The following LRMDA variants were observed in gnomAD, a reference collection of about 807,000 sequenced individuals.
The protein encoded by LRMDA is leucine rich melanocyte differentiation associated, also known as leucine-rich melanocyte differentiation-associated protein.
LRMDA carries 18 observed loss-of-function variants against 29.8 expected under a neutral mutation model. The observed-to-expected ratio is 0.60, with a 90% confidence interval of 0.42 to 0.90. The LOEUF (loss-of-function observed/expected upper bound fraction) is 0.90. Among genes scored for constraint, LRMDA ranks in the 40% least tolerant of loss-of-function variants. The probability of loss-of-function intolerance (pLI) is 0.00; values close to 1 mark genes in which losing one functional copy is unlikely to be tolerated. For synonymous variants in LRMDA, 125 were observed against 109.4 expected (o/e 1.14, Z -0.89); for missense variants, 273 against 273.9 (o/e 1.00, Z 0.02).
intron 1 of LRMDA, among the ~76,000 whole-genome samples, chr10:75,436,467 C>A (rs1020164343): frequency 6.6e-6 from 1 of 151,244 alleles, no homozygotes; most frequent in African/African-American, 2.4e-5. Context: ...GAAGAAGCTG[C>A]TGAATTTTTT....
At chr10:76,055,063 C>CAAAAAAAAAAAAAAAAAAAAAAAAAAAAA (rs531729040) in intron 4 of LRMDA, among the ~76,000 whole-genome samples, 32 of 45,902 alleles carry the variant, frequency 7.0e-4, no homozygotes, top group Non-Finnish European at 8.9e-4. Context: ...GACTCCATCT[C>CAAAAAAAAAAAAAAAAAAAAAAAAAAAAA]AAAAAAAAAA....
chr10:76,331,588 G>A (rs1027970497), intron 6 of LRMDA, among the ~76,000 whole-genome samples: 2 of 152,210 alleles, frequency 1.3e-5, no homozygotes, highest in African/African-American at 4.8e-5. Flanking sequence ...TTAGAGACAA[G>A]AATATGTTTT....
At chr10:75,689,020 G>A (rs1180092492) in intron 2 of LRMDA, among the ~76,000 whole-genome samples, 1 of 150,924 alleles carries the variant, frequency 6.6e-6, no homozygotes, top group Non-Finnish European at 1.5e-5. Context: ...ACTTTTATAT[G>A]TATGGGGAAA....
chr10:76,363,322 G>GGA (rs1215514470), intron 6 of LRMDA, among the ~76,000 whole-genome samples: 12 of 132,316 alleles, frequency 9.1e-5, no homozygotes, highest in African/African-American at 1.3e-4. Flanking sequence ...GAAGGAAAAA[G>GGA]AAAAGAAAAG....
chr10:76,403,456 A>G (rs1284744213), intron 6 of LRMDA: 1 of 151,874 alleles, frequency 6.6e-6, no homozygotes, highest in Non-Finnish European at 1.5e-5. Context: ...TGGACTCCCT[A>G]TATGTAGATG....
chr10:75,438,580 G>A, intron 2 of LRMDA, 86 bp downstream of exon 2: 6 of 991,568 alleles, frequency 6.1e-6, no homozygotes, highest in Non-Finnish European at 7.8e-6. Flanking sequence ...AAAGTCAAAT[G>A]TTCCAACTCC....
intron 2 of LRMDA, among the ~76,000 whole-genome samples, chr10:75,775,728 C>T (rs904581601): frequency 1.3e-5 from 2 of 152,198 alleles, no homozygotes; most frequent in African/African-American, 4.8e-5. Flanking sequence ...ACAGAGCAGT[C>T]TTCTTGTTCC....
At chr10:76,061,049 C>T (rs1848694101) in intron 5 of LRMDA, among the ~76,000 whole-genome samples, 1 of 152,156 alleles carries the variant, frequency 6.6e-6, no homozygotes, top group Non-Finnish European at 1.5e-5. Context: ...ATAAATCATT[C>T]TATCATAAAG....
intron 6 of LRMDA, among the ~76,000 whole-genome samples, chr10:76,420,407 T>A (rs1325916862): frequency 1.3e-5 from 2 of 151,970 alleles, no homozygotes; most frequent in Non-Finnish European, 2.9e-5. Context: ...GATATTGTAA[T>A]TTGGTACCTT....
At chr10:76,505,222 C>G (rs1007393329) in intron 6 of LRMDA, among the ~76,000 whole-genome samples, 2 of 151,984 alleles carry the variant, frequency 1.3e-5, no homozygotes, top group East Asian at 3.9e-4. Context: ...ATCCTTCTCT[C>G]TAGCTACCTT....
intron 2 of LRMDA, among the ~76,000 whole-genome samples, chr10:75,868,784 C>G (rs1354678111): frequency 3.9e-5 from 6 of 152,156 alleles, no homozygotes; most frequent in Non-Finnish European, 7.3e-5. Context: ...CCTCCTCTCT[C>G]TCTCCATCCT....
At chr10:75,688,531 A>C (rs1842108862) in intron 2 of LRMDA, among the ~76,000 whole-genome samples, 1 of 152,254 alleles carries the variant, frequency 6.6e-6, no homozygotes, top group South Asian at 2.1e-4. Context: ...TAAAGAAAGT[A>C]GTTTCTTGAG....
intron 4 of LRMDA, among the ~76,000 whole-genome samples, chr10:76,053,882 G>A (rs1848568813): frequency 6.6e-6 from 1 of 152,150 alleles, no homozygotes; most frequent in South Asian, 2.1e-4. Flanking sequence ...GCATCACCTG[G>A]GGACATATTA....
intron 5 of LRMDA, among the ~76,000 whole-genome samples, chr10:76,217,088 TGAG>T (rs1851742027): frequency 2.0e-5 from 3 of 152,186 alleles, no homozygotes; most frequent in African/African-American, 7.2e-5. Context: ...AGAATGGAAA[TGAG>T]GAGAAAAGGA....
chr10:76,180,312 G>A (rs1485470416), intron 5 of LRMDA, among the ~76,000 whole-genome samples: 9 of 124,214 alleles, frequency 7.2e-5, no homozygotes, highest in Admixed American at 2.9e-4. Flanking sequence ...TTGAGACAGA[G>A]TCTCACACTG....
chr10:75,790,794 T>C (rs2132251962), intron 2 of LRMDA, among the ~76,000 whole-genome samples: 1 of 152,356 alleles, frequency 6.6e-6, no homozygotes, highest in East Asian at 1.9e-4. Flanking sequence ...TTTCAAGGGC[T>C]GTGAGTCTCC....
intron 2 of LRMDA, among the ~76,000 whole-genome samples, chr10:75,737,347 C>A (rs1038413588): frequency 6.6e-6 from 1 of 152,204 alleles, no homozygotes; most frequent in African/African-American, 2.4e-5. Flanking sequence ...GTTTCCCTGG[C>A]ATTCCCTGAG....
intron 3 of LRMDA, among the ~76,000 whole-genome samples, chr10:76,044,171 A>G (rs945747752): frequency 3.9e-5 from 6 of 152,210 alleles, no homozygotes; most frequent in African/African-American, 7.2e-5. Context: ...CATGAGTTCT[A>G]GTGCTCCTTG....
intron 6 of LRMDA, among the ~76,000 whole-genome samples, chr10:76,518,843 A>G (rs1247632995): frequency 6.6e-6 from 1 of 152,218 alleles, no homozygotes; most frequent in Non-Finnish European, 1.5e-5. Context: ...CATATGTAGA[A>G]CTGTGCACAG....
Sources: gnomAD v4.1 joint callset for allele counts (sites outside exome capture counted in the v4.1 genomes callset) on GRCh38, gnomAD v4.1.1 for gene constraint, MANE v1.5 for transcripts, NCBI Gene and HGNC (gene_info 2026-07-23, HGNC 2026-07-21) for gene names.